The following ATXN10 variants were observed in gnomAD, a reference collection of about 807,000 sequenced individuals.
ATXN10 encodes the protein ataxin-10.
A neutral mutation model predicts 52.9 loss-of-function variants in ATXN10; 28 were observed. The observed-to-expected ratio is 0.53, with a 90% CI of 0.39 to 0.73. The LOEUF is 0.73. Ranked by LOEUF, ATXN10 falls within the 30% of genes least tolerant of loss-of-function variation. The probability of loss-of-function intolerance (pLI) is 0.00; values close to 1 mark genes in which losing one functional copy is unlikely to be tolerated. For synonymous variants in ATXN10, 226 were observed against 221.5 expected (o/e 1.02, Z -0.18); for missense variants, 565 against 577.0 (o/e 0.98, Z 0.21).
chr22:45,717,319 A>G (rs933311663), intron 5 of ATXN10, among the ~76,000 whole-genome samples: 9 of 152,204 alleles, frequency 5.9e-5, no homozygotes, highest in African/African-American at 1.4e-4. Context: ...ATATTTGGCA[A>G]TATGGCTTGT....
Position 45,689,763 on chromosome 22 carries a change from A to G in ATXN10, c.168A>G (p.Lys56=), listed in dbSNP as rs1569023861. Residue 56 remains lysine, a synonymous_variant, in exon 2 of 12, where the codon AAA becomes AAG. Coordinates refer to ENST00000252934, the MANE Select transcript of ATXN10 (RefSeq NM_013236.4). The stretch of plus-strand genomic sequence containing the variant: ...AAAGAGTTCTGGATATCCTAAAGAA[A>G]TCTTCTCATGCTGTTGAGCTTGCCT... ...IFQRVLDILK[K]SSHAVELACR... 6.2e-7 allele frequency: 1 copy of G among 1,614,166 alleles called. No individual in the cohort carries two copies. Among genetic ancestry groups the G allele is most frequent in the Non-Finnish European group, 8.5e-7 (1 of 1,180,034 alleles).
intron 5 of ATXN10, among the ~76,000 whole-genome samples, chr22:45,716,707 A>G (rs1313280936): frequency 6.6e-6 from 1 of 152,156 alleles, no homozygotes; most frequent in East Asian, 1.9e-4. Flanking sequence ...GAGGATAGAA[A>G]AAGAAGAGCA....
At position 45,693,013 on chromosome 22, in the gene ATXN10, G is replaced by A. The variant is rs773558014; in HGVS notation, c.326G>A (p.Gly109Asp). 8 of 1,613,968 alleles carry A rather than the reference G, an allele frequency of 5.0e-6. No homozygotes were observed. The highest frequency in any genetic ancestry group is 3.3e-4 in the Middle Eastern group (2 of 6,082). ...AAACCCAGGAACTTGGATACGATTG[G>A]TGTTGCTGTTGATTTGATTCTTCTG... ...QNSIRNLDTIGVAVDLILLFR... is the reference protein window; with the variant it reads ...QNSIRNLDTIDVAVDLILLFR... Residue 109 changes from glycine (G) to aspartate (D), a missense_variant, in exon 3 of 12, where the codon GGT (glycine) becomes GAT (aspartate). Gly to Asp is a moderately conservative substitution (Grantham distance 94, BLOSUM62 -1). Transcript: ENST00000252934.
In ATXN10 at chr22:45,769,079, G is replaced by A. The variant is rs532405829; in HGVS notation, c.1173+28541G>A. Among the ~76,000 whole-genome samples, 42 of 151,902 alleles carry A rather than the reference G, an allele frequency of 2.8e-4. 1 individual carries two copies. The South Asian group carries it at 8.8e-3, about 32-fold the overall frequency. On this transcript the variant is annotated intron_variant, in intron 9 of 11. Transcript: ENST00000252934. The surrounding 1 kb of genome is among the most constrained non-coding windows in gnomAD (Gnocchi z 4.2). ...TGGTGGTTTCTGAAGCCGAATGTTG[G>A]GTGTGTGAGTATGTATTATACCTCC...
At position 45,828,196 on chromosome 22, in the gene ATXN10, T is replaced by TA. The variant is rs1928877623; in HGVS notation, c.1238-14795_1238-14794insA. Among the ~76,000 whole-genome samples the TA allele has an allele frequency of 1.4e-5, 2 of 141,164 alleles. No homozygotes were observed. The highest frequency in any genetic ancestry group is 4.4e-4 in the South Asian group (2 of 4,526). The allele number at this position is 141,164 out of a possible 152,430, so 92.6% of individuals were successfully genotyped here. ...TGAAGCCCCATCTCTATTAAAAACT[T>TA]TAAAAAAGAAAAAAAAAAGAAGAAA... On this transcript the variant is annotated intron_variant, in intron 10 of 11. Transcript: ENST00000252934. The surrounding 1 kb of genome is among the most constrained non-coding windows in gnomAD (Gnocchi z 4.5).
At chr22:45,832,268 C>T (rs1929018331) in intron 10 of ATXN10, among the ~76,000 whole-genome samples, 1 of 152,210 alleles carries the variant, frequency 6.6e-6, no homozygotes, top group Non-Finnish European at 1.5e-5. Context: ...CTGACCTCTG[C>T]TTCTTTTTAT....
At chr22:45,785,739 T>G (rs987236920) in intron 9 of ATXN10, among the ~76,000 whole-genome samples, 4 of 152,196 alleles carry the variant, frequency 2.6e-5, no homozygotes, top group African/African-American at 9.7e-5. Flanking sequence ...TCTTGTTCTG[T>G]GGAAGTCTGA....
At chr22:45,737,758 G>A (rs1925354670) in intron 7 of ATXN10, among the ~76,000 whole-genome samples, 1 of 148,654 alleles carries the variant, frequency 6.7e-6, no homozygotes, top group Non-Finnish European at 1.5e-5. Flanking sequence ...CAGTCCAGTG[G>A]CGTGATCTTG....
chr22:45,801,661 AT>A (rs1391574503), intron 9 of ATXN10, among the ~76,000 whole-genome samples: 11 of 152,188 alleles, frequency 7.2e-5, no homozygotes, highest in Non-Finnish European at 1.5e-4. Context: ...ATAACCCCAT[AT>A]CTACCAAATT....
rs9626445 is a variant in ATXN10, at chr22:45,784,835, G to A, written c.1174-22124G>A. 0.021 allele frequency among the ~76,000 whole-genome samples: 3,259 copies of A among 152,234 alleles called. 66 individuals are homozygous for A. Among genetic ancestry groups the A allele is most frequent in the African/African-American group, 0.054 (2,257 of 41,522 alleles). On this transcript the variant is annotated intron_variant, in intron 9 of 11. Transcript: ENST00000252934. The surrounding 1 kb of genome is among the most constrained non-coding windows in gnomAD (Gnocchi z 4.2). The stretch of plus-strand genomic sequence containing the variant: ...TGGGCAAGCTGATCAACAGTTTCCA[G>A]GGCATTATTTATTGATGGCAAGGAG...
At chr22:45,717,360 A>G (rs1924486476) in intron 5 of ATXN10, among the ~76,000 whole-genome samples, 1 of 152,178 alleles carries the variant, frequency 6.6e-6, no homozygotes, top group East Asian at 1.9e-4. Flanking sequence ...TGCTATTCTT[A>G]TGGGAAAATG....
At chr22:45,838,611 A>C (rs1929244332) in intron 10 of ATXN10, among the ~76,000 whole-genome samples, 1 of 152,168 alleles carries the variant, frequency 6.6e-6, no homozygotes, top group African/African-American at 2.4e-5. Flanking sequence ...CTGTCCCTTT[A>C]GAGAGGGAAC....
In ATXN10 at chr22:45,790,435, A is replaced by AG. The variant is rs1354698908; in HGVS notation, c.1174-16524_1174-16523insG. The stretch of plus-strand genomic sequence containing the variant: ...AAACAAGCCAATTCCTGGTCTTCTA[A>AG]TAGTTACCCCAAGCAAAAGTATGTC... On this transcript the variant is annotated intron_variant, in intron 9 of 11. Transcript: ENST00000252934. The surrounding 1 kb of genome is among the most constrained non-coding windows in gnomAD (Gnocchi z 4.7). Among the ~76,000 whole-genome samples, 1 of 152,232 alleles carries AG rather than the reference A, an allele frequency of 6.6e-6. No individual in the cohort carries two copies. Among genetic ancestry groups the AG allele is most frequent in the Non-Finnish European group, 1.5e-5 (1 of 68,040 alleles).
chr22:45,684,496 TAA>T lies in ATXN10; in HGVS notation c.117-5214_117-5213del, dbSNP rs1227623586. The stretch of plus-strand genomic sequence containing the variant: ...CGTTTCTAAATGGTTGGGGAGATGA[TAA>T]AGTTTCATGACACATGAAAATTATA... On this transcript the variant is annotated intron_variant, in intron 1 of 11. Transcript: ENST00000252934. This position sits in a 1 kb window ranked among gnomAD's most constrained non-coding sequence, Gnocchi z 4.1. 6.6e-6 allele frequency among the ~76,000 whole-genome samples: 1 copy of T among 152,196 alleles called. No individual in the cohort carries two copies. The highest frequency in any genetic ancestry group is 1.5e-5 in the Non-Finnish European group (1 of 68,044).
intron 9 of ATXN10, among the ~76,000 whole-genome samples, chr22:45,782,246 T>G (rs1927174030): frequency 6.6e-6 from 1 of 152,230 alleles, no homozygotes; most frequent in African/African-American, 2.4e-5. Context: ...AACCAGCATT[T>G]TCAACAAAAG....
rs1046248382 is a variant in ATXN10, at chr22:45,825,490, G to T, written c.1238-17501G>T. On this transcript the variant is annotated intron_variant, in intron 10 of 11. Transcript: ENST00000252934. The surrounding 1 kb of genome is among the most constrained non-coding windows in gnomAD (Gnocchi z 4.5). ...AAATTTACACCTCAGGCTTATCCTT[G>T]GCACAGAGACAGCCTGCAACAATCC... is the stretch of plus-strand genomic sequence containing the variant. Among the ~76,000 whole-genome samples the T allele has an allele frequency of 6.6e-5, 10 of 152,056 alleles. No individual in the cohort carries two copies. Among genetic ancestry groups the T allele is most frequent in the African/African-American group, 2.4e-4 (10 of 41,364 alleles).
rs1938535313 is a variant in ATXN10 at position 45,787,110 on chromosome 22, A to G, written c.1174-19849A>G. ...CAAATAATTTTTATTGTATGGAAAGATCTAAAATACTGTATATATAAAGAT... is the reference window on the plus strand; with the variant it reads ...CAAATAATTTTTATTGTATGGAAAGGTCTAAAATACTGTATATATAAAGAT... On this transcript the variant is annotated intron_variant, in intron 9 of 11. Transcript: ENST00000252934. The surrounding 1 kb of genome is among the most constrained non-coding windows in gnomAD (Gnocchi z 4.2). Among the ~76,000 whole-genome samples, 1 of 152,224 alleles carries G rather than the reference A, an allele frequency of 6.6e-6. No homozygotes were observed. The highest frequency in any genetic ancestry group is 6.5e-5 in the Admixed American group (1 of 15,284).
At chr22:45,809,825 G>A (rs2049243825) in intron 10 of ATXN10, among the ~76,000 whole-genome samples, 1 of 152,116 alleles carries the variant, frequency 6.6e-6, no homozygotes, top group South Asian at 2.1e-4. Context: ...GAAGTTCTTT[G>A]TCAGCTACAT....
intron 1 of ATXN10, among the ~76,000 whole-genome samples, chr22:45,685,456 G>A (rs1217495374): frequency 6.6e-6 from 1 of 152,078 alleles, no homozygotes; most frequent in East Asian, 1.9e-4. Context: ...TTTTAAAGTC[G>A]CTGTACATTT....
Sources: gnomAD v4.1 joint callset for allele counts (sites outside exome capture counted in the v4.1 genomes callset) on GRCh38, gnomAD v4.1.1 for gene constraint, Gnocchi (gnomAD v3.1) non-coding constraint, MANE v1.5 for transcripts, NCBI Gene and HGNC (gene_info 2026-07-23, HGNC 2026-07-21) for gene names.